The following CERT1 variants were observed in gnomAD, a reference collection of about 807,000 sequenced individuals.
CERT1 encodes the protein ceramide transporter 1, also known as ceramide transfer protein.
CERT1 carries 31 observed loss-of-function variants against 87.9 expected under a neutral mutation model. That is an observed-to-expected ratio of 0.35 (90% CI 0.27 to 0.48). CERT1 has a LOEUF of 0.48. Ranked by LOEUF, CERT1 falls within the 20% of genes least tolerant of loss-of-function variation. The pLI is 0.99. For missense variants in CERT1, 487 were observed against 758.0 expected, an observed-to-expected ratio of 0.64 and a Z score of 4.20; for synonymous variants, 289 against 250.9, an observed-to-expected ratio of 1.15 and a Z score of -1.44.
At position 75,379,225 on chromosome 5, in the gene CERT1, CTA is replaced by C. The variant is rs2111981669; in HGVS notation, c.*119_*120del. On this transcript the variant is annotated 3_prime_UTR_variant, in exon 17 of 17. Transcript: ENST00000643780. ...CAACAAAAACCAACGAAACAATACT[CTA>C]TAGGGGAACATCAAAAAACATAGTA... 6.7e-6 allele frequency: 6 copies of C among 895,476 alleles called. No homozygotes were observed. In the South Asian group the frequency reaches 1.0e-4, roughly 15 times the overall value. The allele number at this position is 895,476 out of a possible 1,614,324, so 55.5% of individuals were successfully genotyped here.
intron 16 of CERT1, among the ~76,000 whole-genome samples, chr5:75,380,272 G>A (rs1277488955): frequency 1.3e-5 from 2 of 152,066 alleles, no homozygotes; most frequent in Non-Finnish European, 2.9e-5. Context: ...CAACTAATAA[G>A]GACTAGGGAA....
downstream of CERT1, chr5:75,375,448 T>C (rs1171348101): frequency 6.6e-6 from 1 of 151,742 alleles, no homozygotes; most frequent in Non-Finnish European, 1.5e-5. Flanking sequence ...TAGCCGGGCA[T>C]GGTGGTGTGT....
chr5:75,414,634 A>G (rs564394710), intron 7 of CERT1, among the ~76,000 whole-genome samples: 2 of 152,282 alleles, frequency 1.3e-5, no homozygotes, highest in South Asian at 4.1e-4. Context: ...CACTTCTTCT[A>G]CAGTGGAAAG....
At chr5:75,410,840 T>C in intron 8 of CERT1, 171 bp downstream of exon 8, 2 of 411,106 alleles carry the variant, frequency 4.9e-6, no homozygotes, top group Admixed American at 8.6e-5. Context: ...AATATATATT[T>C]GAGCATGCCT....
Position 75,484,307 on chromosome 5 carries a change from G to GA in CERT1, c.231+21674dup, listed in dbSNP as rs141559253. 2.4e-3 allele frequency among the ~76,000 whole-genome samples: 301 copies of GA among 126,254 alleles called. 2 individuals are homozygous for GA. Among genetic ancestry groups the GA allele is most frequent in the African/African-American group, 5.5e-3 (187 of 34,118 alleles). 82.8% of individuals were successfully genotyped at this position (126,254 alleles called of 152,430 possible). A position where few individuals can be genotyped will look rare whatever the true frequency, so the allele number is the denominator to read the frequency against. On this transcript the variant is annotated intron_variant, in intron 2 of 16. Transcript: ENST00000643780. ...AATCACCGGCACACGAACATAAAAAGAAAAAAAAAACAGGAAAGAAAGAAA... is the reference window on the plus strand; with the variant it reads ...AATCACCGGCACACGAACATAAAAAGAAAAAAAAAAACAGGAAAGAAAGAAA...
intron 8 of CERT1, among the ~76,000 whole-genome samples, chr5:75,409,255 AT>A (rs1762834597): frequency 6.6e-6 from 1 of 152,154 alleles, no homozygotes; most frequent in Admixed American, 6.5e-5. Flanking sequence ...TAATTATGTA[AT>A]TTTAATACAT....
chr5:75,453,989 G>A (rs867703604), intron 3 of CERT1, among the ~76,000 whole-genome samples: 17 of 152,224 alleles, frequency 1.1e-4, no homozygotes, highest in Middle Eastern at 6.8e-3. Flanking sequence ...AACCTTCCAG[G>A]TAAGCCCTAA....
chr5:75,511,124 C>G lies in CERT1; in HGVS notation c.84G>C (p.Gly28=), dbSNP rs150201400. 3.1e-6 allele frequency: 5 copies of G among 1,591,150 alleles called. No homozygotes were observed. Among genetic ancestry groups the G allele is most frequent in the Admixed American group, 1.7e-5 (1 of 57,546 alleles). Residue 28 remains glycine, a synonymous_variant, in exon 1 of 17, where the codon GGG becomes GGC. Transcript: ENST00000643780. The part of the protein sequence containing the change: ...TESGPPVERC[G]VLSKWTNYIH... Reference sequence around the variant, plus strand: ...AGGGGTTGCTCACCTTACTGAGGACCCCGCAGCGCTCCACAGGCGGCCCAG... The same window carrying G: ...AGGGGTTGCTCACCTTACTGAGGACGCCGCAGCGCTCCACAGGCGGCCCAG...
chr5:75,433,105 A>C (rs1763942090), intron 3 of CERT1, among the ~76,000 whole-genome samples: 2 of 152,214 alleles, frequency 1.3e-5, no homozygotes, highest in Admixed American at 6.5e-5. Flanking sequence ...GTAGCATTGT[A>C]ATACAGTTTA....
intron 3 of CERT1, among the ~76,000 whole-genome samples, chr5:75,432,048 T>TCC (rs1286920751): frequency 6.9e-6 from 1 of 144,524 alleles, no homozygotes; most frequent in Non-Finnish European, 1.5e-5. Context: ...GTATAAACAT[T>TCC]CCCCCCCCCT....
At chr5:75,404,290 A>T (rs1223876548) in intron 8 of CERT1, among the ~76,000 whole-genome samples, 1 of 118,032 alleles carries the variant, frequency 8.5e-6, no homozygotes, top group Non-Finnish European at 1.7e-5. Flanking sequence ...AACCTACTTC[A>T]TAAAAAAAAA....
Position 75,378,963 on chromosome 5 carries a change from G to C in CERT1, c.*383C>G, listed in dbSNP as rs1761440823. 6.4e-6 allele frequency: 1 copy of C among 156,588 alleles called. No individual in the cohort carries two copies. The highest frequency in any genetic ancestry group is 1.9e-4 in the East Asian group (1 of 5,388). 9.7% of individuals were successfully genotyped at this position (156,588 alleles called of 1,614,324 possible). On this transcript the variant is annotated 3_prime_UTR_variant, in exon 17 of 17. Transcript: ENST00000643780. Reference sequence around the variant, plus strand: ...GGAGGCTGAGGCAGGAGGATTGTCTGAGGCCAGGAGTTCAAGACCAGCTTG... The same window carrying C: ...GGAGGCTGAGGCAGGAGGATTGTCTCAGGCCAGGAGTTCAAGACCAGCTTG...
At chr5:75,492,925 G>C (rs976702638) in intron 2 of CERT1, among the ~76,000 whole-genome samples, 4 of 152,176 alleles carry the variant, frequency 2.6e-5, no homozygotes, top group African/African-American at 9.6e-5. Context: ...AAGAATGCTG[G>C]ACTCCATATC....
chr5:75,406,494 CTTG>C (rs1163154083), intron 8 of CERT1, among the ~76,000 whole-genome samples: 1 of 151,300 alleles, frequency 6.6e-6, no homozygotes, highest in Non-Finnish European at 1.5e-5. Context: ...AGCCTTGTTT[CTTG>C]TTGTATTCTC....
intron 3 of CERT1, among the ~76,000 whole-genome samples, chr5:75,432,648 A>G (rs1008979134): frequency 2.0e-5 from 3 of 152,118 alleles, no homozygotes; most frequent in Admixed American, 6.6e-5. Flanking sequence ...CTCTTTCTGT[A>G]TGTTGTCTGT....
chr5:75,476,302 A>G (rs994054514), intron 2 of CERT1, among the ~76,000 whole-genome samples: 1 of 152,156 alleles, frequency 6.6e-6, no homozygotes, highest in Non-Finnish European at 1.5e-5. Flanking sequence ...CTGTTAAGAT[A>G]TAAGAAAAGC....
At chr5:75,405,608 A>C (rs1762670820) in intron 8 of CERT1, among the ~76,000 whole-genome samples, 2 of 151,968 alleles carry the variant, frequency 1.3e-5, no homozygotes, top group African/African-American at 4.8e-5. Context: ...TTCAATCATC[A>C]CACCCTTCAA....
chr5:75,410,937 A>C, intron 8 of CERT1, 74 bp downstream of exon 8: 1 of 740,802 alleles, frequency 1.3e-6, no homozygotes, highest in Non-Finnish European at 2.2e-6. Flanking sequence ...AGGTTACAAG[A>C]GTATTATTAA....
At chr5:75,491,944 C>G (rs1156316748) in intron 2 of CERT1, among the ~76,000 whole-genome samples, 7 of 152,100 alleles carry the variant, frequency 4.6e-5, no homozygotes, top group Non-Finnish European at 1.0e-4. Context: ...CTCTTCTTAC[C>G]TTTATTTCTC....
Sources: allele counts gnomAD v4.1 joint callset (sites outside exome capture counted in the v4.1 genomes callset), GRCh38; gene constraint gnomAD v4.1.1; transcripts MANE v1.5; gene names NCBI Gene and HGNC (gene_info 2026-07-23, HGNC 2026-07-21).